ADGRL2: variants seen among roughly 807,000 people sequenced by gnomAD.
The protein encoded by ADGRL2 is adhesion G protein-coupled receptor L2.
Under a neutral mutation model 157.4 loss-of-function variants are expected in ADGRL2, and 44 were observed. The observed-to-expected ratio is 0.28, with a 90% confidence interval of 0.22 to 0.36. The LOEUF (loss-of-function observed/expected upper bound fraction) is 0.36, where lower values mean the gene tolerates loss of function less well. ADGRL2 is among the 10% of genes least tolerant of loss of function. The pLI, the probability that ADGRL2 is intolerant of heterozygous loss-of-function variation, is 1.00. For missense variants in ADGRL2, 1,510 were observed against 1,768.9 expected (o/e 0.85, Z 2.63); for synonymous variants, 585 against 624.7 (o/e 0.94, Z 0.95).
At chr1:81,532,972 C>CTATCTATCTATCATCTATCT (rs200154872) in intron 2 of ADGRL2, among the ~76,000 whole-genome samples, 1 of 137,600 alleles carries the variant, frequency 7.3e-6, no homozygotes, top group South Asian at 2.2e-4. Flanking sequence ...ATCTATCTAT[C>CTATCTATCTATCATCTATCT]ATCTATCTAT....
chr1:81,709,273 T>C lies in ADGRL2; in HGVS notation c.-143+9465T>C, dbSNP rs1484310500. On this transcript the variant is annotated intron_variant, in intron 1 of 20. Transcript: ENST00000359929. ...CCAACCTAATGGGAGACAAGATCCATTTTACAATGGATAAAATAGGCTTTA... is the reference window on the plus strand; with the variant it reads ...CCAACCTAATGGGAGACAAGATCCACTTTACAATGGATAAAATAGGCTTTA... Among the ~76,000 whole-genome samples the C allele has an allele frequency of 2.0e-5, 3 of 152,148 alleles. No homozygotes were observed. In the East Asian group the frequency reaches 5.8e-4, roughly 29 times the overall value.
chr1:81,430,748 T>C (rs2077304733), intron 1 of ADGRL2, among the ~76,000 whole-genome samples: 1 of 151,792 alleles, frequency 6.6e-6, no homozygotes, highest in Non-Finnish European at 1.5e-5. Context: ...TGTTCTCTCC[T>C]TTTTTTCCCA....
At chr1:81,586,695 C>G (rs1186425873) in intron 3 of ADGRL2, among the ~76,000 whole-genome samples, 1 of 151,892 alleles carries the variant, frequency 6.6e-6, no homozygotes. Flanking sequence ...AAAAACTGAC[C>G]AATTAAATTG....
intron 3 of ADGRL2, among the ~76,000 whole-genome samples, chr1:81,602,885 G>T (rs1394180348): frequency 7.4e-6 from 1 of 135,874 alleles, no homozygotes; most frequent in Non-Finnish European, 1.6e-5. Flanking sequence ...GCAACAGAGC[G>T]AGACTCTGTC....
chr1:81,960,335 G>T (rs180893869), intron 11 of ADGRL2, among the ~76,000 whole-genome samples: 159 of 152,164 alleles, frequency 1.0e-3, no homozygotes, highest in Middle Eastern at 6.8e-3. Context: ...AATTTAACAA[G>T]AACTTTCTGT....
At chr1:81,707,041 G>A (rs757289234) in intron 1 of ADGRL2, among the ~76,000 whole-genome samples, 7 of 152,146 alleles carry the variant, frequency 4.6e-5, no homozygotes, top group Admixed American at 6.6e-5. Context: ...ACCTCAAAGG[G>A]TGAGGAAAGT....
intron 2 of ADGRL2, among the ~76,000 whole-genome samples, chr1:81,517,986 G>A (rs2079219525): frequency 6.6e-6 from 1 of 152,252 alleles, no homozygotes; most frequent in Admixed American, 6.5e-5. Flanking sequence ...AGGAAAGTTA[G>A]CACCTTGCTT....
At chr1:81,965,884 A>G (rs546410194) in intron 11 of ADGRL2, among the ~76,000 whole-genome samples, 174 bp from the exon 12 acceptor site, 1 of 152,338 alleles carries the variant, frequency 6.6e-6, no homozygotes, top group East Asian at 1.9e-4. Context: ...TTAAGACTTA[A>G]ATCATTTGGA....
intron 1 of ADGRL2, among the ~76,000 whole-genome samples, chr1:81,419,260 G>A (rs193047764): frequency 6.6e-6 from 1 of 152,274 alleles, no homozygotes; most frequent in Admixed American, 6.5e-5. Context: ...CTGGAGTGCA[G>A]TGGCCTGATT....
At chr1:81,877,667 A>C (rs1192620118) in intron 2 of ADGRL2, among the ~76,000 whole-genome samples, 1 of 149,468 alleles carries the variant, frequency 6.7e-6, no homozygotes, top group Non-Finnish European at 1.5e-5. Flanking sequence ...TTTTTTGGGG[A>C]GGGGGGAGGT....
rs1347343213 is a variant in ADGRL2 at position 81,581,776 on chromosome 1, C to T, written c.-143+796C>T. Among the ~76,000 whole-genome samples, 4 of 151,882 alleles carry T rather than the reference C, an allele frequency of 2.6e-5. No individual in the cohort carries two copies. In the East Asian group the frequency reaches 7.8e-4, roughly 29 times the overall value. The stretch of plus-strand genomic sequence containing the variant: ...GTGCTAGTTGCATGTAGGTTTAAAC[C>T]AAATTGCCTACAAATATTGCATAAG... On this transcript the variant is annotated intron_variant, in intron 3 of 24. Transcript: ENST00000370721.
chr1:81,829,605 A>G (rs1486999818), intron 1 of ADGRL2, among the ~76,000 whole-genome samples: 1 of 152,200 alleles, frequency 6.6e-6, no homozygotes, highest in Non-Finnish European at 1.5e-5. Flanking sequence ...ATAATAATCT[A>G]TAAGTAGATT....
intron 1 of ADGRL2, among the ~76,000 whole-genome samples, chr1:81,412,190 T>G (rs2076957301): frequency 6.6e-6 from 1 of 152,142 alleles, no homozygotes; most frequent in Non-Finnish European, 1.5e-5. Context: ...GGTTAACAGG[T>G]AGACAGAATA....
chr1:81,562,845 A>G (rs1218836185), intron 2 of ADGRL2, among the ~76,000 whole-genome samples: 3 of 152,168 alleles, frequency 2.0e-5, no homozygotes, highest in Non-Finnish European at 4.4e-5. Context: ...AACCTTAAAT[A>G]TTAAAGAAAA....
intron 1 of ADGRL2, among the ~76,000 whole-genome samples, chr1:81,391,102 G>C (rs2076543465): frequency 6.6e-6 from 1 of 152,416 alleles, no homozygotes; most frequent in Admixed American, 6.5e-5. Flanking sequence ...TGTTTGAAGT[G>C]TAACAGGCAA....
intron 2 of ADGRL2, among the ~76,000 whole-genome samples, chr1:81,888,015 C>T (rs1266264084): frequency 6.6e-6 from 1 of 152,082 alleles, no homozygotes; most frequent in East Asian, 1.9e-4. Flanking sequence ...GCCTTCTATG[C>T]CATACTTAGG....
chr1:81,363,510 G>A (rs976429506), intron 1 of ADGRL2, among the ~76,000 whole-genome samples: 1 of 152,034 alleles, frequency 6.6e-6, no homozygotes, highest in Non-Finnish European at 1.5e-5. Context: ...TATCACATAG[G>A]AGTAGTCACC....
intron 3 of ADGRL2, among the ~76,000 whole-genome samples, chr1:81,584,310 A>G (rs1439268236): frequency 6.6e-6 from 1 of 152,192 alleles, no homozygotes; most frequent in Non-Finnish European, 1.5e-5. Context: ...TTTTTAAATT[A>G]GAGGACTTGG....
At chr1:81,594,256 G>A (rs2081188526) in intron 3 of ADGRL2, among the ~76,000 whole-genome samples, 1 of 152,068 alleles carries the variant, frequency 6.6e-6, no homozygotes, top group South Asian at 2.1e-4. Context: ...ATGGAGATTT[G>A]GAAGAAAGAT....
Sources: allele counts gnomAD v4.1 joint callset (sites outside exome capture counted in the v4.1 genomes callset), GRCh38; gene constraint gnomAD v4.1.1; transcripts MANE v1.5; gene names NCBI Gene and HGNC (gene_info 2026-07-23, HGNC 2026-07-21).